Variants in ANKRD17 observed in about 807,000 individuals in gnomAD.
ANKRD17 encodes the protein ankyrin repeat domain 17.
ANKRD17 carries 19 observed loss-of-function variants against 229.7 expected under a neutral mutation model. The observed-to-expected ratio is 0.08, with a 90% CI of 0.06 to 0.12. ANKRD17 has a LOEUF of 0.12. Ranked by LOEUF, ANKRD17 falls within the 10% of genes least tolerant of loss-of-function variation. ANKRD17 has a pLI of 1.00. For synonymous variants in ANKRD17, 1,112 were observed against 1,146.1 expected, an observed-to-expected ratio of 0.97 and a Z score of 0.60; for missense variants, 2,176 against 3,176.8, an observed-to-expected ratio of 0.68 and a Z score of 7.57.
intron 27 of ANKRD17, among the ~76,000 whole-genome samples, chr4:73,095,400 A>T (rs1032344754): frequency 6.6e-6 from 1 of 151,948 alleles, no homozygotes; most frequent in African/African-American, 2.4e-5. Context: ...CAGGAGTTCA[A>T]GACCAGCCTG....
chr4:73,100,416 C>T (rs952067656), intron 25 of ANKRD17, among the ~76,000 whole-genome samples: 2 of 151,434 alleles, frequency 1.3e-5, no homozygotes, highest in African/African-American at 4.9e-5. Context: ...TTGTTCCAGC[C>T]TGGGGCTCTC....
At chr4:73,253,044 G>C (rs544935927) in intron 1 of ANKRD17, among the ~76,000 whole-genome samples, 1 of 152,196 alleles carries the variant, frequency 6.6e-6, no homozygotes, top group Non-Finnish European at 1.5e-5. Flanking sequence ...GAATGAGTGA[G>C]AGAATAAATG....
chr4:73,099,309 C>T (rs1246670621), intron 25 of ANKRD17, among the ~76,000 whole-genome samples: 1 of 152,222 alleles, frequency 6.6e-6, no homozygotes, highest in South Asian at 2.1e-4. Flanking sequence ...CCACACTACA[C>T]AGCACACCAG....
At chr4:73,177,243 C>G in intron 2 of ANKRD17, 137 bp downstream of exon 2, 1 of 847,512 alleles carries the variant, frequency 1.2e-6, no homozygotes, top group African/African-American at 1.8e-5. Context: ...TGTAATTCAG[C>G]AGAAAGTAAT....
At chr4:73,152,807 T>C (rs565038732) in intron 6 of ANKRD17, among the ~76,000 whole-genome samples, 13 of 152,166 alleles carry the variant, frequency 8.5e-5, no homozygotes, top group Non-Finnish European at 1.6e-4. Context: ...GATCAGCCTC[T>C]GCCTAATTAT....
chr4:73,218,010 G>C (rs995956002), intron 1 of ANKRD17, among the ~76,000 whole-genome samples: 33 of 152,258 alleles, frequency 2.2e-4, no homozygotes, highest in African/African-American at 7.9e-4. Flanking sequence ...TGTGTGTGTG[G>C]AGTATATGTA....
At chr4:73,124,816 CG>C in intron 18 of ANKRD17, 96 bp downstream of exon 18, 1 of 1,407,296 alleles carries the variant, frequency 7.1e-7, no homozygotes, top group Non-Finnish European at 9.6e-7. Context: ...GAAATCTAAA[CG>C]TCAAAGCATT....
rs969075528 is a variant in ANKRD17, at chr4:73,155,731, A to C, written c.900T>G (p.Gly300=). The C allele has an allele frequency of 7.4e-6, 12 of 1,614,154 alleles. No homozygotes were observed. Among genetic ancestry groups the C allele is most frequent in the Non-Finnish European group, 1.0e-5 (12 of 1,180,004 alleles). ...CAGCAGCCATTAAAGGTGTAATGTC[A>C]CCTTTGATTCCCCTATCTTCCACAT... ...HANVEDRGIK[G]DITPLMAAAN... Residue 300 remains glycine (G), a synonymous_variant, in exon 5 of 34, where the codon GGT becomes GGG. Coordinates refer to ENST00000358602, the MANE Select transcript of ANKRD17 (RefSeq NM_032217.5).
chr4:73,120,740 T>C (rs1395752636), intron 20 of ANKRD17, 141 bp downstream of exon 20: 2 of 741,288 alleles, frequency 2.7e-6, no homozygotes, highest in South Asian at 2.1e-5. Context: ...GACTGAGTTA[T>C]ACAGAATGAT....
Position 73,258,344 on chromosome 4 carries a change from C to T in ANKRD17, c.325G>A (p.Gly109Ser), listed in dbSNP as rs775292177. ...GGGGGGGGGG[G>S]GTSSNNSEEE... Reference sequence around the variant, plus strand: ...TCGCTGTTGTTACTGCTGGTGCCGCCGCCGCCACCTCCGCCTCCACCGCCG... The same window carrying T: ...TCGCTGTTGTTACTGCTGGTGCCGCTGCCGCCACCTCCGCCTCCACCGCCG... Residue 109 changes from glycine to serine, a missense_variant, in exon 1 of 34, where the codon GGC becomes AGC. Gly to Ser is a moderately conservative substitution (Grantham distance 56). Around this residue, in one of 18 missense-constraint regions of ANKRD17, gnomAD observed 196 missense variants for 190.0 expected, o/e 1.03. Transcript: ENST00000358602. The T allele has an allele frequency of 2.5e-6, 4 of 1,612,772 alleles. No individual in the cohort carries two copies. The highest frequency in any genetic ancestry group is 3.4e-6 in the Non-Finnish European group (4 of 1,179,642).
chr4:73,135,507 G>A (rs1728781391), intron 15 of ANKRD17, among the ~76,000 whole-genome samples: 1 of 152,038 alleles, frequency 6.6e-6, no homozygotes, highest in South Asian at 2.1e-4. Flanking sequence ...CCTGTTATAA[G>A]CAGTCGTAAA....
Position 73,115,807 on chromosome 4 carries a change from G to C in ANKRD17, c.4284+14C>G, listed in dbSNP as rs1268163575. On this transcript the variant is annotated intron_variant, in intron 23 of 33. Transcript: ENST00000358602. ...GAATAGAGTCCCTTGCTCATATAGT[G>C]AACAACATATTACCTTATCAGTGAT... 2 of 1,596,270 alleles carry C rather than the reference G, an allele frequency of 1.3e-6. No individual in the cohort carries two copies. Among genetic ancestry groups the C allele is most frequent in the East Asian group, 2.2e-5 (1 of 44,758 alleles).
chr4:73,160,577 G>A (rs979151112), intron 3 of ANKRD17, among the ~76,000 whole-genome samples: 5 of 151,896 alleles, frequency 3.3e-5, no homozygotes, highest in East Asian at 1.9e-4. Flanking sequence ...GATTTTTATT[G>A]GATAACATCA....
At chr4:73,092,905 A>G (rs1233160108) in intron 28 of ANKRD17, among the ~76,000 whole-genome samples, 1 of 152,190 alleles carries the variant, frequency 6.6e-6, no homozygotes, top group African/African-American at 2.4e-5. Flanking sequence ...ATAGTGCCAA[A>G]AATAGCCATA....
chr4:73,149,840 G>A (rs1730767803), intron 7 of ANKRD17, among the ~76,000 whole-genome samples: 1 of 152,110 alleles, frequency 6.6e-6, no homozygotes, highest in Non-Finnish European at 1.5e-5. Context: ...ACTCCAGCCT[G>A]GGAACAGAGT....
intron 2 of ANKRD17, among the ~76,000 whole-genome samples, chr4:73,169,473 GAA>G (rs367756886): frequency 6.8e-6 from 1 of 148,108 alleles, no homozygotes; most frequent in Non-Finnish European, 1.5e-5. Context: ...ACCCTGAAGG[GAA>G]AAAAAAAAGT....
At chr4:73,173,820 G>A (rs1241980447) in intron 2 of ANKRD17, among the ~76,000 whole-genome samples, 2 of 152,100 alleles carry the variant, frequency 1.3e-5, no homozygotes, top group Admixed American at 6.5e-5. Flanking sequence ...TCTCCAGCTC[G>A]AGCCCAGGGA....
chr4:73,090,745 C>T lies in ANKRD17; in HGVS notation c.6883G>A (p.Asp2295Asn). The T allele has an allele frequency of 6.2e-7, 1 of 1,614,144 alleles. No homozygotes were observed. Among genetic ancestry groups the T allele is most frequent in the Non-Finnish European group, 8.5e-7 (1 of 1,180,038 alleles). ...GAAGTATCAGACTGATGTAAAGGAT[C>T]TGAATTTGGCAAATATGAGGATTTT... The part of the protein sequence containing the change: ...SGKSSYLPNS[D>N]PLHQSDTSKA... The change falls in exon 29 of 34, where the codon GAT (aspartate) becomes AAT (asparagine). Residue 2295 changes from aspartate (D) to asparagine (N), a missense_variant. Physicochemically the swap from Asp to Asn is conservative, Grantham distance 23. This residue lies in a region of ANKRD17 where 424 missense variants were observed against 454.0 expected (regional missense o/e 0.93). Coordinates refer to ENST00000358602, the MANE Select transcript of ANKRD17 (RefSeq NM_032217.5).
At chr4:73,225,105 C>A (rs969937395) in intron 1 of ANKRD17, among the ~76,000 whole-genome samples, 6 of 152,164 alleles carry the variant, frequency 3.9e-5, no homozygotes, top group Admixed American at 3.3e-4. Context: ...ATTGTTGAGA[C>A]CTGGCTTAAA....
Sources: gnomAD v4.1 joint callset for allele counts (sites outside exome capture counted in the v4.1 genomes callset) on GRCh38, gnomAD v4.1.1 for gene constraint, gnomAD v4.1.1 regional missense constraint, MANE v1.5 for transcripts, NCBI Gene and HGNC (gene_info 2026-07-23, HGNC 2026-07-21) for gene names.